Variants in LARP1 observed in about 807,000 individuals in gnomAD.
LARP1 encodes La ribonucleoprotein 1, translational regulator.
In LARP1, 36 loss-of-function variants were observed where a neutral mutation model predicts 122.7. The ratio of observed to expected loss-of-function variants is 0.29; its 90% confidence interval spans 0.22 to 0.39. The LOEUF (loss-of-function observed/expected upper bound fraction) is 0.39, where lower values mean the gene tolerates loss of function less well. Among genes scored for constraint, LARP1 ranks in the 10% least tolerant of loss-of-function variants. The pLI, the probability that LARP1 is intolerant of heterozygous loss-of-function variation, is 1.00. For missense variants in LARP1, 1,040 were observed against 1,403.6 expected, an observed-to-expected ratio of 0.74 and a Z score of 4.14; for synonymous variants, 539 against 528.7, an observed-to-expected ratio of 1.02 and a Z score of -0.27.
intron 1 of LARP1, among the ~76,000 whole-genome samples, chr5:154,757,463 T>C (rs1754062265): frequency 1.3e-5 from 2 of 151,954 alleles, no homozygotes; most frequent in African/African-American, 4.8e-5. Context: ...CTCCATTCTT[T>C]GGTTTTGGGT....
At position 154,802,914 on chromosome 5, in the gene LARP1, T is replaced by C. The variant is rs1184326591; in HGVS notation, c.2110-376T>C. On this transcript the variant is annotated intron_variant, in intron 11 of 18. Coordinates refer to ENST00000518297, the MANE Select transcript of LARP1 (RefSeq NM_033551.3). The surrounding 1 kb of genome is among the most constrained non-coding windows in gnomAD (Gnocchi z 5.1). The stretch of plus-strand genomic sequence containing the variant: ...AGCCTTTGTAATAAGTAGCAGTGTG[T>C]TTCCTGGAAGTAAGGAGGAAGGAGA... Among the ~76,000 whole-genome samples the C allele has an allele frequency of 6.6e-6, 1 of 152,186 alleles. No individual in the cohort carries two copies. The highest frequency in any genetic ancestry group is 1.9e-4 in the East Asian group (1 of 5,190).
intron 1 of LARP1, among the ~76,000 whole-genome samples, chr5:154,738,144 G>A (rs545174617): frequency 2.6e-5 from 4 of 152,298 alleles, no homozygotes; most frequent in South Asian, 2.1e-4. Flanking sequence ...TAAACCATGC[G>A]TGTGTGGGAT....
rs759900407 is a variant in LARP1 at position 154,756,075 on chromosome 5, C to T, written c.318C>T (p.Ala106=). Residue 106 remains alanine, a synonymous_variant, in exon 1 of 19, where the codon GCC becomes GCT. Coordinates refer to ENST00000518297, the MANE Select transcript of LARP1 (RefSeq NM_033551.3). ...GGEPGAGGGA[A]GAAGAGRRDF... ...AGCCAGGCGCTGGCGGAGGAGCTGC[C>T]GGAGCCGCGGGCGCGGGGCGCCGGG... 42 of 1,147,366 alleles carry T rather than the reference C, an allele frequency of 3.7e-5. No homozygotes were observed. The highest frequency in any genetic ancestry group is 4.5e-5 in the Non-Finnish European group (41 of 919,668). The allele number at this position is 1,147,366 out of a possible 1,614,324, so 71.1% of individuals were successfully genotyped here. A position where few individuals can be genotyped will look rare whatever the true frequency, so the allele number is the denominator to read the frequency against.
intron 1 of LARP1, among the ~76,000 whole-genome samples, chr5:154,692,788 G>C (rs1191630843): frequency 1.3e-5 from 2 of 152,156 alleles, no homozygotes; most frequent in African/African-American, 4.8e-5. Flanking sequence ...GAGTTTACTT[G>C]AGTCAAAGTG....
chr5:154,782,457 G>C (rs1756535910), intron 1 of LARP1, among the ~76,000 whole-genome samples: 1 of 152,172 alleles, frequency 6.6e-6, no homozygotes, highest in Admixed American at 6.5e-5. Flanking sequence ...ATCTGGGCGG[G>C]GAGAGTGGGA....
At position 154,755,570 on chromosome 5, in the gene LARP1, G is replaced by C. The variant is rs957586613; in HGVS notation, c.-188G>C. On this transcript the variant is annotated 5_prime_UTR_variant, in exon 1 of 19. Transcript: ENST00000518297. ...TCCTCCCCCCCCGCCCCGCTAGTGGGCCTCGGATTTACGGCGGCTGCATCT... is the reference window on the plus strand; with the variant it reads ...TCCTCCCCCCCCGCCCCGCTAGTGGCCCTCGGATTTACGGCGGCTGCATCT... The C allele has an allele frequency of 6.1e-6, 6 of 987,334 alleles. No individual in the cohort carries two copies. The highest frequency in any genetic ancestry group is 7.2e-6 in the Non-Finnish European group (6 of 830,098). 61.2% of individuals were successfully genotyped at this position (987,334 alleles called of 1,614,324 possible).
chr5:154,786,304 A>AT (rs1756878905), intron 1 of LARP1, among the ~76,000 whole-genome samples: 1 of 151,980 alleles, frequency 6.6e-6, no homozygotes, highest in East Asian at 1.9e-4. Flanking sequence ...GCCTCCCAAA[A>AT]TGCTGGGATT....
At chr5:154,762,955 G>A (rs1399784825) in intron 1 of LARP1, among the ~76,000 whole-genome samples, 1 of 151,234 alleles carries the variant, frequency 6.6e-6, no homozygotes, top group Non-Finnish European at 1.5e-5. Flanking sequence ...TTAGGCTCTT[G>A]ATAATTCAGA....
At chr5:154,712,719 G>C (rs182901108), upstream of LARP1, among the ~76,000 whole-genome samples, 1 of 152,292 alleles carries the variant, frequency 6.6e-6, no homozygotes, top group Non-Finnish European at 1.5e-5. Context: ...CTCTAGCCTA[G>C]CTGTGCTCCC....
At chr5:154,723,156 G>A (rs928143887) in intron 1 of LARP1, among the ~76,000 whole-genome samples, 7 of 152,254 alleles carry the variant, frequency 4.6e-5, no homozygotes, top group Non-Finnish European at 1.0e-4. Flanking sequence ...CTCACCAGGA[G>A]TCTGAGTAAC....
At position 154,813,970 on chromosome 5, in the gene LARP1, C is replaced by T. The variant is rs1373543377; in HGVS notation, c.3165C>T (p.Pro1055=). Residue 1055 remains proline, a synonymous_variant, in exon 19 of 19, where the codon CCC becomes CCT. Coordinates refer to ENST00000518297, the MANE Select transcript of LARP1 (RefSeq NM_033551.3). The part of the protein sequence containing the change: ...GGGGEGRKRC[P]SQSSSRPAAM... ...GCGGTGAGGGCAGGAAGCGGTGCCC[C>T]TCCCAGTCTTCCAGCAGGCCTGCTG... 5.6e-6 allele frequency: 9 copies of T among 1,613,954 alleles called. No individual in the cohort carries two copies. Among genetic ancestry groups the T allele is most frequent in the South Asian group, 5.5e-5 (5 of 91,080 alleles).
intron 1 of LARP1, among the ~76,000 whole-genome samples, chr5:154,687,444 T>C (rs555537652): frequency 6.6e-6 from 1 of 152,220 alleles, no homozygotes; most frequent in Admixed American, 6.5e-5. Context: ...TGCAGTGGCG[T>C]GATCTCGGCT....
At chr5:154,746,285 C>A (rs1753194800) in intron 1 of LARP1, among the ~76,000 whole-genome samples, 1 of 152,230 alleles carries the variant, frequency 6.6e-6, no homozygotes, top group South Asian at 2.1e-4. Flanking sequence ...TGTCTTGGAG[C>A]TTGGCTCCTG....
intron 1 of LARP1, among the ~76,000 whole-genome samples, chr5:154,724,536 G>A (rs1169835476): frequency 6.6e-6 from 1 of 152,174 alleles, no homozygotes; most frequent in Non-Finnish European, 1.5e-5. Flanking sequence ...CAAGGAAGAG[G>A]CCCTGGCACT....
intron 1 of LARP1, chr5:154,713,212 C>G: frequency 1.6e-6 from 2 of 1,222,550 alleles, no homozygotes; most frequent in South Asian, 2.9e-5. Context: ...GGGCAGAAAC[C>G]TTGGGTGCTG....
chr5:154,755,196 G>T (rs1369992453), upstream of LARP1, among the ~76,000 whole-genome samples: 23 of 150,126 alleles, frequency 1.5e-4, no homozygotes, highest in African/African-American at 5.1e-4. Flanking sequence ...GGGCAGGACC[G>T]CGTAGCCGTG....
intron 16 of LARP1, among the ~76,000 whole-genome samples, chr5:154,810,818 C>G (rs1467900490): frequency 6.6e-6 from 1 of 152,162 alleles, no homozygotes; most frequent in Non-Finnish European, 1.5e-5. Context: ...ATTTCTGAGT[C>G]AGATAAATGA....
upstream of LARP1, among the ~76,000 whole-genome samples, chr5:154,712,575 T>A (rs1286380424): frequency 1.3e-5 from 2 of 152,200 alleles, no homozygotes; most frequent in Non-Finnish European, 2.9e-5. Context: ...CAGAGTGTTT[T>A]GCTCTTCCTT....
intron 1 of LARP1, among the ~76,000 whole-genome samples, chr5:154,720,209 GTAATAA>G (rs3060312): frequency 4.0e-5 from 6 of 150,614 alleles, no homozygotes; most frequent in African/African-American, 1.5e-4. Context: ...AATAATAATA[GTAATAA>G]TAATAATAAT....
Sources: gnomAD v4.1 joint callset for allele counts (sites outside exome capture counted in the v4.1 genomes callset) on GRCh38, gnomAD v4.1.1 for gene constraint, Gnocchi (gnomAD v3.1) non-coding constraint, MANE v1.5 for transcripts, NCBI Gene and HGNC (gene_info 2026-07-23, HGNC 2026-07-21) for gene names.